C12orf42: variants seen among roughly 807,000 people sequenced by gnomAD.
C12orf42 encodes chromosome 12 open reading frame 42, also known as uncharacterized protein C12orf42.
C12orf42 carries 25 observed loss-of-function variants against 21.6 expected under a neutral mutation model. The ratio of observed to expected loss-of-function variants is 1.16; its 90% CI spans 0.84 to 1.62. C12orf42 has a LOEUF of 1.62. C12orf42 is among the 40% of genes most tolerant of loss of function. The pLI is 0.00. For synonymous variants in C12orf42, 174 were observed against 175.0 expected (o/e 0.99, Z 0.05); for missense variants, 483 against 459.3 (o/e 1.05, Z -0.47).
At chr12:103,088,870 G>C in the C12orf42 span, among the ~76,000 whole-genome samples, 1 of 152,050 alleles carries the variant, frequency 6.6e-6, no homozygotes, top group Admixed American at 6.6e-5. Flanking sequence ...TTGGGAGGCC[G>C]AGGAGGCCAG....
At chr12:103,392,492 CT>C (rs1381314364) in intron 3 of C12orf42, among the ~76,000 whole-genome samples, 2 of 152,158 alleles carry the variant, frequency 1.3e-5, no homozygotes, top group African/African-American at 4.8e-5. Context: ...TTTAGGTCAT[CT>C]TTAATGTCTT....
chr12:103,248,269 G>A (rs1275639529), intron 10 of C12orf42, among the ~76,000 whole-genome samples: 1 of 151,878 alleles, frequency 6.6e-6, no homozygotes, highest in Non-Finnish European at 1.5e-5. Flanking sequence ...TGAATTGTCG[G>A]CATACACCAC....
the C12orf42 span, among the ~76,000 whole-genome samples, chr12:103,095,923 G>A: frequency 6.6e-6 from 1 of 152,170 alleles, no homozygotes; most frequent in Non-Finnish European, 1.5e-5. Context: ...TGATAAGATT[G>A]CCCAGTTCTG....
the C12orf42 span, among the ~76,000 whole-genome samples, chr12:103,130,863 C>G: frequency 6.6e-6 from 1 of 152,140 alleles, no homozygotes; most frequent in Non-Finnish European, 1.5e-5. Context: ...CTGAAGAAAA[C>G]CTGAGTAGGT....
At chr12:103,202,066 C>T in the C12orf42 span, among the ~76,000 whole-genome samples, 1 of 152,184 alleles carries the variant, frequency 6.6e-6, no homozygotes, top group Non-Finnish European at 1.5e-5. Flanking sequence ...GGGCCAGCAA[C>T]CACAGACTCT....
intron 4 of C12orf42, among the ~76,000 whole-genome samples, chr12:103,322,101 ACGCGCGTGCGTGCG>A (rs1366209900): frequency 1.7e-5 from 2 of 115,406 alleles, no homozygotes; most frequent in South Asian, 3.0e-4. Context: ...TCAGATGTGC[ACGCGCGTGCGTGCG>A]CGCGCGCGCG....
rs1349400681 is a variant in C12orf42, at chr12:103,363,182, G to A, written c.259+5705C>T. ...AAACCTGACAAGCCAGAATGGATTGGAAACCTTTCTTCAGCCTCCCTAAAC... is the reference window on the plus strand; with the variant it reads ...AAACCTGACAAGCCAGAATGGATTGAAAACCTTTCTTCAGCCTCCCTAAAC... On this transcript the variant is annotated intron_variant, in intron 4 of 5. Coordinates refer to ENST00000548883, the MANE Select transcript of C12orf42 (RefSeq NM_198521.5). Among the ~76,000 whole-genome samples the A allele has an allele frequency of 3.9e-5, 6 of 152,246 alleles. No homozygotes were observed. In the East Asian group the frequency reaches 1.2e-3, roughly 29 times the overall value.
chr12:103,216,600 G>T, the C12orf42 span, among the ~76,000 whole-genome samples: 1 of 151,524 alleles, frequency 6.6e-6, no homozygotes, highest in Non-Finnish European at 1.5e-5. Context: ...GGATAGTCTC[G>T]ATCTCCTGAC....
chr12:103,434,715 C>A (rs574139810), intron 2 of C12orf42, among the ~76,000 whole-genome samples: 1 of 152,222 alleles, frequency 6.6e-6, no homozygotes, highest in Admixed American at 6.5e-5. Flanking sequence ...CACCGCACCA[C>A]GAGATTATAT....
chr12:103,224,578 G>A, the C12orf42 span, among the ~76,000 whole-genome samples: 1 of 152,370 alleles, frequency 6.6e-6, no homozygotes, highest in Admixed American at 6.5e-5. Context: ...TGAAGTCTGG[G>A]CCAGGAACAA....
At chr12:103,272,985 T>A (rs2035557679) in intron 5 of C12orf42, among the ~76,000 whole-genome samples, 1 of 152,242 alleles carries the variant, frequency 6.6e-6, no homozygotes, top group Admixed American at 6.5e-5. Flanking sequence ...AACACTACTT[T>A]GCTCATTTGT....
At chr12:103,371,089 C>T (rs1243146169) in intron 3 of C12orf42, among the ~76,000 whole-genome samples, 2 of 152,036 alleles carry the variant, frequency 1.3e-5, no homozygotes, top group Non-Finnish European at 2.9e-5. Context: ...ATTATGTGTT[C>T]AGGATAGCAT....
At chr12:103,167,226 C>T in the C12orf42 span, among the ~76,000 whole-genome samples, 3 of 152,168 alleles carry the variant, frequency 2.0e-5, no homozygotes, top group Non-Finnish European at 2.9e-5. Flanking sequence ...CCTTCAAACC[C>T]AAGTCAGTAT....
At chr12:103,126,336 G>A in the C12orf42 span, among the ~76,000 whole-genome samples, 3 of 152,140 alleles carry the variant, frequency 2.0e-5, no homozygotes. Flanking sequence ...TGTCACTTCT[G>A]GGAAGAGCTT....
At chr12:103,184,513 G>T in the C12orf42 span, among the ~76,000 whole-genome samples, 6 of 152,098 alleles carry the variant, frequency 3.9e-5, no homozygotes, top group Non-Finnish European at 1.5e-5. Flanking sequence ...TGGGGATAAG[G>T]ATATCAGAGA....
At chr12:103,218,345 T>C in the C12orf42 span, among the ~76,000 whole-genome samples, 1 of 151,262 alleles carries the variant, frequency 6.6e-6, no homozygotes, top group Non-Finnish European at 1.5e-5. Context: ...TCAGGAAAAA[T>C]AGACTAAACC....
chr12:103,064,626 G>A, the C12orf42 span, among the ~76,000 whole-genome samples: 1 of 152,228 alleles, frequency 6.6e-6, no homozygotes, highest in Non-Finnish European at 1.5e-5. Flanking sequence ...CTTGAAGGAA[G>A]GGGAGGCCGG....
intron 4 of C12orf42, among the ~76,000 whole-genome samples, chr12:103,347,023 T>A (rs2042679377): frequency 6.6e-6 from 1 of 152,178 alleles, no homozygotes; most frequent in South Asian, 2.1e-4. Context: ...CATCACAGCA[T>A]CACTGACAGT....
downstream of C12orf42, among the ~76,000 whole-genome samples, chr12:103,298,390 C>A (rs995890273): frequency 6.6e-6 from 1 of 152,124 alleles, no homozygotes; most frequent in South Asian, 2.1e-4. Context: ...TAGGAATCCA[C>A]CTTACAAGGG....
Sources: allele counts gnomAD v4.1 joint callset (sites outside exome capture counted in the v4.1 genomes callset), GRCh38; gene constraint gnomAD v4.1.1; transcripts MANE v1.5; gene names NCBI Gene and HGNC (gene_info 2026-07-23, HGNC 2026-07-21).